Variants in DCLRE1C observed in about 807,000 individuals in gnomAD.
The protein encoded by DCLRE1C is protein artemis.
DCLRE1C carries 47 observed loss-of-function variants against 61.4 expected under a neutral mutation model. The ratio of observed to expected loss-of-function variants is 0.77; its 90% CI spans 0.61 to 0.98. The LOEUF (loss-of-function observed/expected upper bound fraction) is 0.98, where lower values mean the gene tolerates loss of function less well. Ranked by LOEUF, DCLRE1C falls within the 50% of genes least tolerant of loss-of-function variation. DCLRE1C has a pLI of 0.00. For synonymous variants in DCLRE1C, 337 were observed against 287.6 expected (o/e 1.17, Z -1.74); for missense variants, 858 against 816.0 (o/e 1.05, Z -0.63).
At chr10:14,937,308 T>A (rs974862774) in intron 4 of DCLRE1C, among the ~76,000 whole-genome samples, 5 of 142,328 alleles carry the variant, frequency 3.5e-5, no homozygotes, top group African/African-American at 1.3e-4. Flanking sequence ...TTTTTTGAGA[T>A]GGAGTCTCAC....
intron 10 of DCLRE1C, 146 bp downstream of exon 10, chr10:14,927,870 T>A: frequency 2.0e-6 from 1 of 496,214 alleles, no homozygotes; most frequent in Non-Finnish European, 2.8e-6. Context: ...TAGCATCCCC[T>A]CCATTTAAAT....
chr10:14,938,066 C>G (rs1350787653), intron 4 of DCLRE1C, among the ~76,000 whole-genome samples: 1 of 152,116 alleles, frequency 6.6e-6, no homozygotes, highest in Non-Finnish European at 1.5e-5. Flanking sequence ...GTGACAGGGA[C>G]TCCTCATGGA....
intron 9 of DCLRE1C, among the ~76,000 whole-genome samples, chr10:14,931,665 TAA>T (rs1251266688): frequency 6.6e-6 from 1 of 152,164 alleles, no homozygotes; most frequent in Admixed American, 6.6e-5. Flanking sequence ...GAAACTATTT[TAA>T]AGTGTGAAAA....
rs41300670 is a variant in DCLRE1C at position 14,908,984 on chromosome 10, A to G, written c.1503T>C (p.Asp501=). ...AGGAAGGGAAGTTTTCCAAACTCTC[A>G]TCTGTGATTTCATCATTTCTTTTAA... ...VFFKRNDEIT[D]ESLENFPSST... is the part of the protein sequence containing the mutation. Residue 501 remains aspartate (D), a synonymous_variant, in exon 14 of 14, where the codon GAT becomes GAC. Coordinates refer to ENST00000378278, the MANE Select transcript of DCLRE1C (RefSeq NM_001033855.3). 4.4e-4 allele frequency: 716 copies of G among 1,614,166 alleles called. 1 individual carries two copies. In the African/African-American group the frequency reaches 8.8e-3, roughly 20 times the overall value.
chr10:14,952,075 G>C (rs890836264), intron 1 of DCLRE1C, among the ~76,000 whole-genome samples: 2 of 152,180 alleles, frequency 1.3e-5, no homozygotes, highest in Non-Finnish European at 2.9e-5. Context: ...GTAGGGAAGA[G>C]TCCATTTCTG....
chr10:14,908,882 C>G lies in DCLRE1C; in HGVS notation c.1605G>C (p.Gln535His). The change falls in exon 14 of 14, where the codon CAG becomes CAC. Residue 535 changes from glutamine (Q) to histidine (H), a missense_variant. Gln to His is a conservative substitution (Grantham distance 24). This residue lies in a region of DCLRE1C where 843 missense variants were observed against 783.5 expected (regional missense o/e 1.08). Coordinates refer to ENST00000378278, the MANE Select transcript of DCLRE1C (RefSeq NM_001033855.3). Reference sequence around the variant, plus strand: ...TTATGTGTGTTGACTGGGAAGAATTCTGGGAGGAGATGTGAGTTGATTCTC... The same window carrying G: ...TTATGTGTGTTGACTGGGAAGAATTGTGGGAGGAGATGTGAGTTGATTCTC... ...SDGESTHISS[Q>H]NSSQSTHITE... 6.2e-7 allele frequency: 1 copy of G among 1,614,172 alleles called. No individual in the cohort carries two copies. The highest frequency in any genetic ancestry group is 1.1e-5 in the South Asian group (1 of 91,086).
chr10:14,953,234 G>T (rs1842719041), intron 1 of DCLRE1C, among the ~76,000 whole-genome samples: 1 of 152,204 alleles, frequency 6.6e-6, no homozygotes, highest in South Asian at 2.1e-4. Context: ...CAAGTTAGCG[G>T]TATTTAAACT....
At chr10:14,943,845 C>T (rs193020494) in intron 3 of DCLRE1C, among the ~76,000 whole-genome samples, 2 of 152,300 alleles carry the variant, frequency 1.3e-5, no homozygotes, top group East Asian at 3.9e-4. Flanking sequence ...TGGGCCCAGC[C>T]AGATTTGTCT....
chr10:14,916,288 A>C (rs1049101737), intron 13 of DCLRE1C, among the ~76,000 whole-genome samples: 1 of 152,330 alleles, frequency 6.6e-6, no homozygotes, highest in Middle Eastern at 3.4e-3. Flanking sequence ...GGAAGAAGCA[A>C]AACTGTCTAT....
intron 1 of DCLRE1C, among the ~76,000 whole-genome samples, chr10:14,949,670 A>G (rs923524325): frequency 3.3e-5 from 5 of 152,252 alleles, no homozygotes; most frequent in Admixed American, 6.5e-5. Context: ...CTATTACATT[A>G]AGTATATCAT....
At chr10:14,901,060 AC>A (rs1833975123), downstream of DCLRE1C, 1 of 1,539,754 alleles carries the variant, frequency 6.5e-7, no homozygotes, top group African/African-American at 1.4e-5. Flanking sequence ...AGGAAAGTAA[AC>A]ATTTTATATG....
chr10:14,932,726 T>C (rs1323346877), intron 9 of DCLRE1C, 128 bp downstream of exon 9: 19 of 1,088,614 alleles, frequency 1.7e-5, no homozygotes, highest in Non-Finnish European at 2.2e-5. Context: ...GACCTTGAGC[T>C]AACAACTTAG....
intron 4 of DCLRE1C, among the ~76,000 whole-genome samples, chr10:14,938,350 T>G (rs1276474400): frequency 6.6e-6 from 1 of 152,122 alleles, no homozygotes; most frequent in Non-Finnish European, 1.5e-5. Context: ...CACCTATTTT[T>G]TTTTTCCTTT....
rs74469284 is a variant in DCLRE1C at position 14,936,700 on chromosome 10, T to G, written c.307-107A>C. 2.7e-3 allele frequency: 2,057 copies of G among 756,484 alleles called. 25 individuals are homozygous for G. The African/African-American group carries it at 0.03, about 11-fold the overall frequency. The allele number at this position is 756,484 out of a possible 1,614,324, so 46.9% of individuals were successfully genotyped here. On this transcript the variant is annotated intron_variant, in intron 4 of 13. Coordinates refer to ENST00000378278, the MANE Select transcript of DCLRE1C (RefSeq NM_001033855.3). The stretch of plus-strand genomic sequence containing the variant: ...CACATTTATGTACCTTTTAACAATG[T>G]GCCTTTTCTCCCAATTTCCTCACAC...
chr10:14,901,036 TAAACTA>T (rs1833973117), downstream of DCLRE1C: 7 of 1,485,724 alleles, frequency 4.7e-6, no homozygotes, highest in Non-Finnish European at 6.3e-6. Context: ...CAGTGGAACT[TAAACTA>T]AATCTCTAGG....
downstream of DCLRE1C, chr10:14,901,079 G>A (rs967329354): frequency 3.1e-6 from 5 of 1,588,314 alleles, no homozygotes; most frequent in African/African-American, 5.4e-5. Context: ...ATGGCATGTA[G>A]AAGGGCTTGT....
chr10:14,937,281 CTTTTTTTTTTT>C (rs1162058273), intron 4 of DCLRE1C, among the ~76,000 whole-genome samples: 1 of 110,616 alleles, frequency 9.0e-6, no homozygotes, highest in South Asian at 2.9e-4. Flanking sequence ...AAGCTATTTA[CTTTTTTTTTTT>C]TTTTTTTTTT....
chr10:14,907,682 T>C lies in DCLRE1C; in HGVS notation c.*726A>G, dbSNP rs896506035. On this transcript the variant is annotated 3_prime_UTR_variant, in exon 14 of 14. Coordinates refer to ENST00000378278, the MANE Select transcript of DCLRE1C (RefSeq NM_001033855.3). ...TATAACCACTCCATTTTTAATTGTTTACATGGTTTTTCCATCCTTTTAACC... is the reference window on the plus strand; with the variant it reads ...TATAACCACTCCATTTTTAATTGTTCACATGGTTTTTCCATCCTTTTAACC... Among the ~76,000 whole-genome samples, 1 of 151,936 alleles carries C rather than the reference T, an allele frequency of 6.6e-6. No homozygotes were observed. Among genetic ancestry groups the C allele is most frequent in the Non-Finnish European group, 1.5e-5 (1 of 68,020 alleles).
chr10:14,934,373 A>G lies in DCLRE1C; in HGVS notation c.678+7T>C. The G allele has an allele frequency of 6.2e-7, 1 of 1,613,660 alleles. No homozygotes were observed. The highest frequency in any genetic ancestry group is 8.5e-7 in the Non-Finnish European group (1 of 1,179,920). ...AAAGAAAAGAAAAGAATGAACAGTC[A>G]CCATACCTGGACTCCTAATTCTTCA... On this transcript the variant is annotated splice_region_variant and intron_variant, in intron 8 of 13. Coordinates refer to ENST00000378278, the MANE Select transcript of DCLRE1C (RefSeq NM_001033855.3).
Sources: allele counts gnomAD v4.1 joint callset (sites outside exome capture counted in the v4.1 genomes callset), GRCh38; gene constraint gnomAD v4.1.1; regional missense constraint gnomAD v4.1.1; transcripts MANE v1.5; gene names NCBI Gene and HGNC (gene_info 2026-07-23, HGNC 2026-07-21).